Variants in NUTM1 observed in about 807,000 individuals in gnomAD.
The protein encoded by NUTM1 is NUT midline carcinoma family member 1, also known as NUT family member 1.
Under a neutral mutation model 88.7 loss-of-function variants are expected in NUTM1, and 39 were observed. The observed-to-expected ratio is 0.44, with a 90% confidence interval of 0.34 to 0.57. The LOEUF is 0.57. NUTM1 is among the 20% of genes least tolerant of loss of function. NUTM1 has a pLI of 0.01. For synonymous variants in NUTM1, 494 were observed against 538.0 expected (o/e 0.92, Z 1.13); for missense variants, 1,350 against 1,414.5 (o/e 0.95, Z 0.73).
rs2140160831 is a variant in NUTM1 at position 34,356,074 on chromosome 15, G to A, written c.2066G>A (p.Gly689Glu). ...LEKQVLGLQK[G>E]QQTGGRGVLP... ...AAGCAAGTCCTGGGATTGCAGAAAG[G>A]ACAACAAACAGGGGGTCGTGGAGTG... The change falls in exon 8 of 8, where the codon GGA becomes GAA. Residue 689 changes from glycine (G) to glutamate (E), a missense_variant. Around this residue, in one of 5 missense-constraint regions of NUTM1, gnomAD observed 730 missense variants for 728.8 expected, o/e 1.00. Transcript: ENST00000537011. The A allele has an allele frequency of 5.0e-6, 8 of 1,613,992 alleles. No individual in the cohort carries two copies. Among genetic ancestry groups the A allele is most frequent in the Non-Finnish European group, 6.8e-6 (8 of 1,179,902 alleles).
intron 3 of NUTM1, 115 bp from the exon 4 acceptor site, chr15:34,350,589 C>T: frequency 1.5e-6 from 2 of 1,314,790 alleles, no homozygotes; most frequent in Non-Finnish European, 2.1e-6. Flanking sequence ...CACGACAGGC[C>T]CTAAGGGGCA....
In NUTM1 at chr15:34,348,406, C is replaced by A. The variant is rs1490604540; in HGVS notation, c.538C>A (p.Gln180Lys). The change falls in exon 3 of 8, where the codon CAG becomes AAG. Residue 180 changes from glutamine to lysine, a missense_variant. Physicochemically the swap from Gln to Lys is moderately conservative, Grantham distance 53. Transcript: ENST00000537011. ...GCCCTCTAAGGCTGTTGGTGTCAGC[C>A]AGGAGGGTCCTCCAGGCCTTCCGCC... ...ILPSKAVGVS[Q>K]EGPPGLPPQP... 6.2e-7 allele frequency: 1 copy of A among 1,614,064 alleles called. No individual in the cohort carries two copies. Among genetic ancestry groups the A allele is most frequent in the Non-Finnish European group, 8.5e-7 (1 of 1,180,004 alleles).
rs780643285 is a variant in NUTM1, at chr15:34,355,992, C to T, written c.1984C>T (p.Pro662Ser). The T allele has an allele frequency of 1.2e-6, 2 of 1,614,148 alleles. No homozygotes were observed. The highest frequency in any genetic ancestry group is 1.6e-4 in the Middle Eastern group (1 of 6,062). Reference protein sequence around the residue: ...WQGGFQPESTPSLDAGLAELA... With the variant: ...WQGGFQPESTSSLDAGLAELA... ...GGGAGGCTTCCAGCCTGAGAGCACT[C>T]CCAGTTTGGATGCTGGACTTGCAGA... Residue 662 changes from proline (P) to serine (S), a missense_variant, in exon 8 of 8, where the codon CCC becomes TCC. Physicochemically the swap from Pro to Ser is moderately conservative, Grantham distance 74 (BLOSUM62 -1). Around this residue, in one of 5 missense-constraint regions of NUTM1, gnomAD observed 730 missense variants for 728.8 expected, o/e 1.00. Transcript: ENST00000537011. This position sits in a 1 kb window ranked among gnomAD's most constrained non-coding sequence, Gnocchi z 4.3.
rs772329199 is a variant in NUTM1 at position 34,343,721 on chromosome 15, C to G, written c.6+19C>G. ...TATGGTGGTGAGTAGCTAATAATAA[C>G]GTAATAAAGTGCACCTTCTAGGAGT... is the stretch of plus-strand genomic sequence containing the variant. On this transcript the variant is annotated intron_variant, in intron 1 of 7. Coordinates refer to ENST00000537011, the MANE Select transcript of NUTM1 (RefSeq NM_001284292.2). 1 of 1,531,938 alleles carries G rather than the reference C, an allele frequency of 6.5e-7. No homozygotes were observed. The highest frequency in any genetic ancestry group is 8.7e-7 in the Non-Finnish European group (1 of 1,143,724). The allele number at this position is 1,531,938 out of a possible 1,614,324, so 94.9% of individuals were successfully genotyped here.
At chr15:34,350,968 C>T in intron 4 of NUTM1, 136 bp downstream of exon 4, 7 of 1,136,820 alleles carry the variant, frequency 6.2e-6, no homozygotes, top group African/African-American at 1.6e-5. Context: ...CCTGTAATCC[C>T]ACCACTTTGG....
In NUTM1 at chr15:34,348,391, G is replaced by T; in HGVS notation, c.523G>T (p.Ala175Ser). 3 of 1,614,200 alleles carry T rather than the reference G, an allele frequency of 1.9e-6. No homozygotes were observed. The highest frequency in any genetic ancestry group is 2.5e-6 in the Non-Finnish European group (3 of 1,180,030). The change falls in exon 3 of 8, where the codon GCT (alanine) becomes TCT (serine). Residue 175 changes from alanine to serine, a missense_variant. Physicochemically the swap from Ala to Ser is moderately conservative, Grantham distance 99 (BLOSUM62 1). This residue lies in a region of NUTM1 where 399 missense variants were observed against 397.9 expected (regional missense o/e 1.00). Transcript: ENST00000537011. ...TGTGAAGACCATTCTGCCCTCTAAG[G>T]CTGTTGGTGTCAGCCAGGAGGGTCC... ...SNVKTILPSK[A>S]VGVSQEGPPG... is the part of the protein sequence containing the mutation.
At chr15:34,347,364 C>T (rs1299473637) in intron 2 of NUTM1, among the ~76,000 whole-genome samples, 2 of 151,828 alleles carry the variant, frequency 1.3e-5, no homozygotes, top group East Asian at 1.9e-4. Context: ...CTCAAGCGAT[C>T]CTCCCACCCC....
At chr15:34,349,025 C>G (rs1317917259) in intron 3 of NUTM1, among the ~76,000 whole-genome samples, 1 of 152,150 alleles carries the variant, frequency 6.6e-6, no homozygotes, top group Non-Finnish European at 1.5e-5. Context: ...TCCCCCCGTT[C>G]TATTTTACTA....
At position 34,356,375 on chromosome 15, in the gene NUTM1, A is replaced by T. The variant is rs376030958; in HGVS notation, c.2367A>T (p.Gly789=). 59 of 1,613,318 alleles carry T rather than the reference A, an allele frequency of 3.7e-5. No individual in the cohort carries two copies. Among genetic ancestry groups the T allele is most frequent in the Middle Eastern group, 3.3e-4 (2 of 6,078 alleles). Residue 789 remains glycine, a synonymous_variant, in exon 8 of 8, where the codon GGA becomes GGT. Transcript: ENST00000537011. ...CVTEYQEGCQ[G]LGSRGNISLG... ...CTGAGTATCAGGAAGGCTGCCAGGGACTGGGCTCCAGGGGCAACATTTCCC... is the reference window on the plus strand; with the variant it reads ...CTGAGTATCAGGAAGGCTGCCAGGGTCTGGGCTCCAGGGGCAACATTTCCC...
At position 34,354,895 on chromosome 15, in the gene NUTM1, G is replaced by T. The variant is rs1890773647; in HGVS notation, c.1363-126G>T. On this transcript the variant is annotated intron_variant, in intron 6 of 7. Coordinates refer to ENST00000537011, the MANE Select transcript of NUTM1 (RefSeq NM_001284292.2). ...CATGAGAATGTGTGTAGCCGGTGGT[G>T]GTCAGTTTACAATACCGGAGGGGTA... The T allele has an allele frequency of 7.9e-6, 8 of 1,010,724 alleles. No individual in the cohort carries two copies. The East Asian group carries it at 1.7e-4, about 21-fold the overall frequency. 62.6% of individuals were successfully genotyped at this position (1,010,724 alleles called of 1,614,324 possible). A position where few individuals can be genotyped will look rare whatever the true frequency, so the allele number is the denominator to read the frequency against.
rs1301524525 is a variant in NUTM1, at chr15:34,356,677, G to A, written c.2669G>A (p.Cys890Tyr). 6.2e-7 allele frequency: 1 copy of A among 1,613,818 alleles called. No individual in the cohort carries two copies. The highest frequency in any genetic ancestry group is 8.5e-7 in the Non-Finnish European group (1 of 1,179,966). ...GSSKETLPPT[C>Y]QGNLLIMGTE... Reference sequence around the variant, plus strand: ...TCCAAAGAAACCCTTCCACCCACATGCCAAGGCAATCTCCTTATCATGGGG... The same window carrying A: ...TCCAAAGAAACCCTTCCACCCACATACCAAGGCAATCTCCTTATCATGGGG... Residue 890 changes from cysteine (C) to tyrosine (Y), a missense_variant, in exon 8 of 8, where the codon TGC becomes TAC. By Grantham distance (194) the Cys-to-Tyr change is radical (BLOSUM62 -2). This residue lies in a region of NUTM1 where 730 missense variants were observed against 728.8 expected (regional missense o/e 1.00). Transcript: ENST00000537011.
chr15:34,346,880 C>A (rs2927219), intron 2 of NUTM1, among the ~76,000 whole-genome samples: 1 of 90 alleles, frequency 0.011, no homozygotes, highest in African/African-American at 0.026. Flanking sequence ...AAGACTCCAT[C>A]TAAAAAAAAA....
chr15:34,348,528 G>T lies in NUTM1; in HGVS notation c.660G>T (p.Val220=). 1 of 1,614,152 alleles carries T rather than the reference G, an allele frequency of 6.2e-7. No individual in the cohort carries two copies. Among genetic ancestry groups the T allele is most frequent in the South Asian group, 1.1e-5 (1 of 91,084 alleles). The change falls in exon 3 of 8, where the codon GTG becomes GTT. Residue 220 remains valine, a synonymous_variant. Coordinates refer to ENST00000537011, the MANE Select transcript of NUTM1 (RefSeq NM_001284292.2). ...GGACAACCGGGGAAGGAGGTCCTGT[G>T]GCCACTCTATCCAAGCCTTCCCTAG... ...PHGTTGEGGP[V]ATLSKPSLGD...
Position 34,348,303 on chromosome 15 carries a change from T to C in NUTM1, c.435T>C (p.Thr145=), listed in dbSNP as rs141502234. Residue 145 remains threonine (T), a synonymous_variant, in exon 3 of 8, where the codon ACT becomes ACC. Coordinates refer to ENST00000537011, the MANE Select transcript of NUTM1 (RefSeq NM_001284292.2). ...FILTQTALNS[T]APGTPCGGLE... ...TTACTCAGACTGCCCTCAATTCGACTGCCCCGGGCACTCCCTGTGGAGGCC... is the reference window on the plus strand; with the variant it reads ...TTACTCAGACTGCCCTCAATTCGACCGCCCCGGGCACTCCCTGTGGAGGCC... The C allele has an allele frequency of 3.7e-6, 6 of 1,614,130 alleles. No homozygotes were observed. Among genetic ancestry groups the C allele is most frequent in the Non-Finnish European group, 5.1e-6 (6 of 1,180,046 alleles).
chr15:34,353,961 C>G (rs1890753122), intron 5 of NUTM1, 89 bp downstream of exon 5: 5 of 1,432,924 alleles, frequency 3.5e-6, no homozygotes, highest in Non-Finnish European at 4.8e-6. Flanking sequence ...GAAGGCATAG[C>G]CCAGGCTCTG....
chr15:34,351,574 G>C (rs999590), intron 4 of NUTM1, among the ~76,000 whole-genome samples: 1 of 151,886 alleles, frequency 6.6e-6, no homozygotes, highest in Non-Finnish European at 1.5e-5. Context: ...GTAGGTCTTA[G>C]GATGGGATTG....
chr15:34,352,146 G>A lies in NUTM1; in HGVS notation c.938+1314G>A, dbSNP rs534487812. Among the ~76,000 whole-genome samples, 24 of 152,214 alleles carry A rather than the reference G, an allele frequency of 1.6e-4. No individual in the cohort carries two copies. The Middle Eastern group carries it at 0.01, about 65-fold the overall frequency. ...GATTGTGCCATTGCACTCCAGCCTC[G>A]GCAACAAGAGCGAAACTCTGTCTCA... On this transcript the variant is annotated intron_variant, in intron 4 of 7. Transcript: ENST00000537011.
chr15:34,348,054 T>C lies in NUTM1; in HGVS notation c.186T>C (p.Thr62=). ...PSPALPFLPP[T]SDPPDHPPRE... Reference sequence around the variant, plus strand: ...CTGCACTTCCCTTTCTCCCACCAACTTCTGACCCACCAGACCACCCACCCA... The same window carrying C: ...CTGCACTTCCCTTTCTCCCACCAACCTCTGACCCACCAGACCACCCACCCA... The change falls in exon 3 of 8, where the codon ACT becomes ACC. Residue 62 remains threonine, a synonymous_variant. Coordinates refer to ENST00000537011, the MANE Select transcript of NUTM1 (RefSeq NM_001284292.2). 6.2e-7 allele frequency: 1 copy of C among 1,614,060 alleles called. No homozygotes were observed. Among genetic ancestry groups the C allele is most frequent in the Non-Finnish European group, 8.5e-7 (1 of 1,179,976 alleles).
Position 34,348,395 on chromosome 15 carries a change from T to C in NUTM1, c.527T>C (p.Val176Ala), listed in dbSNP as rs763614713. 1 of 1,614,234 alleles carries C rather than the reference T, an allele frequency of 6.2e-7. No homozygotes were observed. Among genetic ancestry groups the C allele is most frequent in the East Asian group, 2.2e-5 (1 of 44,890 alleles). The change falls in exon 3 of 8, where the codon GTT (valine) becomes GCT (alanine). Residue 176 changes from valine (V) to alanine (A), a missense_variant. Val to Ala is a moderately conservative substitution (Grantham distance 64, BLOSUM62 0). Transcript: ENST00000537011. ...AAGACCATTCTGCCCTCTAAGGCTG[T>C]TGGTGTCAGCCAGGAGGGTCCTCCA... ...NVKTILPSKA[V>A]GVSQEGPPGL... is the part of the protein sequence containing the mutation.
Sources: gnomAD v4.1 joint callset for allele counts (sites outside exome capture counted in the v4.1 genomes callset) on GRCh38, gnomAD v4.1.1 for gene constraint, gnomAD v4.1.1 regional missense constraint, Gnocchi (gnomAD v3.1) non-coding constraint, MANE v1.5 for transcripts, NCBI Gene and HGNC (gene_info 2026-07-23, HGNC 2026-07-21) for gene names.